The following STAT4 variants were observed in gnomAD, a reference collection of about 807,000 sequenced individuals.
STAT4 encodes the protein signal transducer and activator of transcription 4.
In STAT4, 42 loss-of-function variants were observed where a neutral mutation model predicts 110.5. The ratio of observed to expected loss-of-function variants is 0.38; its 90% CI spans 0.30 to 0.49. The LOEUF (loss-of-function observed/expected upper bound fraction) is 0.49, where lower values mean the gene tolerates loss of function less well. Ranked by LOEUF, STAT4 falls within the 20% of genes least tolerant of loss-of-function variation. STAT4 has a pLI of 0.95. For missense variants in STAT4, 632 were observed against 887.9 expected (o/e 0.71, Z 3.66); for synonymous variants, 284 against 302.2 (o/e 0.94, Z 0.63).
At chr2:191,095,474 C>T (rs1265698205) in intron 3 of STAT4, among the ~76,000 whole-genome samples, 4 of 152,194 alleles carry the variant, frequency 2.6e-5, no homozygotes, top group Non-Finnish European at 4.4e-5. Context: ...CAAAACCGCA[C>T]AACTACATGG....
In STAT4 at chr2:191,033,293, C is replaced by T. The variant is rs998127725; in HGVS notation, c.1853-144G>A. Reference sequence around the variant, plus strand: ...AATGTCAGACCTTCTGCTGTCTGGACAGTATAGATTGTGCATACGATAGAC... The same window carrying T: ...AATGTCAGACCTTCTGCTGTCTGGATAGTATAGATTGTGCATACGATAGAC... On this transcript the variant is annotated intron_variant, in intron 20 of 23. Transcript: ENST00000392320. This position sits in a 1 kb window ranked among gnomAD's most constrained non-coding sequence, Gnocchi z 6.9. 8.8e-7 allele frequency: 1 copy of T among 1,135,736 alleles called. No homozygotes were observed. Among genetic ancestry groups the T allele is most frequent in the African/African-American group, 1.6e-5 (1 of 63,432 alleles). 70.4% of individuals were successfully genotyped at this position (1,135,736 alleles called of 1,614,324 possible).
intron 13 of STAT4, among the ~76,000 whole-genome samples, chr2:191,056,876 G>C (rs548083818): frequency 6.7e-6 from 1 of 148,524 alleles, no homozygotes; most frequent in Non-Finnish European, 1.5e-5. Flanking sequence ...TCCGCCTCCC[G>C]GGTTCAAGCG....
chr2:191,137,721 A>T (rs1699216882), intron 3 of STAT4, among the ~76,000 whole-genome samples: 1 of 152,234 alleles, frequency 6.6e-6, no homozygotes, highest in African/African-American at 2.4e-5. Context: ...CCACATATTT[A>T]CAGCCAACTA....
chr2:191,033,379 C>T lies in STAT4; in HGVS notation c.1852+111G>A. The T allele has an allele frequency of 6.8e-6, 9 of 1,323,130 alleles. No homozygotes were observed. The highest frequency in any genetic ancestry group is 2.0e-4 in the Middle Eastern group (1 of 5,046). 82.0% of individuals were successfully genotyped at this position (1,323,130 alleles called of 1,614,324 possible). On this transcript the variant is annotated intron_variant, in intron 20 of 23. Coordinates refer to ENST00000392320, the MANE Select transcript of STAT4 (RefSeq NM_003151.4). This position sits in a 1 kb window ranked among gnomAD's most constrained non-coding sequence, Gnocchi z 6.9. ...CTGCAACTACTAATATTCAAGCCCACTGAATACATCACAGACAGATCAACA... is the reference window on the plus strand; with the variant it reads ...CTGCAACTACTAATATTCAAGCCCATTGAATACATCACAGACAGATCAACA...
At chr2:191,048,605 G>A (rs1420919485) in intron 14 of STAT4, among the ~76,000 whole-genome samples, 18 of 146,190 alleles carry the variant, frequency 1.2e-4, no homozygotes, top group East Asian at 4.3e-4. Context: ...GTGAAACCCC[G>A]TCTCTACCAA....
At chr2:191,081,965 G>A (rs1305232210) in intron 3 of STAT4, among the ~76,000 whole-genome samples, 1 of 152,070 alleles carries the variant, frequency 6.6e-6, no homozygotes, top group Admixed American at 6.6e-5. Context: ...CAGTCAGCAG[G>A]ATGTTTCTGA....
At chr2:191,079,021 A>G (rs1697391644) in intron 3 of STAT4, among the ~76,000 whole-genome samples, 1 of 151,860 alleles carries the variant, frequency 6.6e-6, no homozygotes, top group African/African-American at 2.4e-5. Context: ...TTATTCTTTT[A>G]CCACTGCTCT....
intron 3 of STAT4, chr2:191,131,783 A>G: frequency 7.5e-7 from 1 of 1,327,290 alleles, no homozygotes; most frequent in Non-Finnish European, 9.7e-7. Context: ...TTCCTCAATT[A>G]GTATCATCTG....
intron 3 of STAT4, among the ~76,000 whole-genome samples, chr2:191,106,657 TAA>T (rs1359814559): frequency 9.4e-6 from 1 of 105,996 alleles, no homozygotes; most frequent in Non-Finnish European, 1.8e-5. Flanking sequence ...AAAAATAAAA[TAA>T]AATAAAATAA....
chr2:191,122,554 A>G (rs1431468421), intron 3 of STAT4, among the ~76,000 whole-genome samples: 1 of 152,216 alleles, frequency 6.6e-6, no homozygotes, highest in Non-Finnish European at 1.5e-5. Flanking sequence ...GTTACAAACA[A>G]AAATGTTCCT....
rs1698484832 is a variant in STAT4, at chr2:191,113,564, AC to A, written c.273+33048del. ...GAATTGGTTTAAGAGATTCAAGGAAACTTTTGGCTTCACAGGGAGATGTAAG... is the reference window on the plus strand; with the variant it reads ...GAATTGGTTTAAGAGATTCAAGGAAATTTTGGCTTCACAGGGAGATGTAAG... On this transcript the variant is annotated intron_variant, in intron 3 of 23. Transcript: ENST00000392320. This position sits in a 1 kb window ranked among gnomAD's most constrained non-coding sequence, Gnocchi z 4.8. 6.6e-6 allele frequency among the ~76,000 whole-genome samples: 1 copy of A among 152,208 alleles called. No individual in the cohort carries two copies. Among genetic ancestry groups the A allele is most frequent in the Non-Finnish European group, 1.5e-5 (1 of 68,030 alleles).
At chr2:191,076,029 T>A in intron 4 of STAT4, 198 bp downstream of exon 4, 1 of 500,474 alleles carries the variant, frequency 2.0e-6, no homozygotes, top group Non-Finnish European at 3.6e-6. Context: ...TTTAATTTTT[T>A]TTTTTTTGGA....
chr2:191,096,641 T>A (rs1697992638), intron 3 of STAT4, among the ~76,000 whole-genome samples: 1 of 152,166 alleles, frequency 6.6e-6, no homozygotes, highest in Non-Finnish European at 1.5e-5. Flanking sequence ...GAGCTATTTA[T>A]GAAAAACCTA....
intron 3 of STAT4, among the ~76,000 whole-genome samples, chr2:191,133,231 T>G (rs1202444726): frequency 6.6e-6 from 1 of 151,544 alleles, no homozygotes; most frequent in Non-Finnish European, 1.5e-5. Flanking sequence ...GATATTCCTA[T>G]GTAGGTATTC....
Position 191,113,798 on chromosome 2 carries a change from G to A in STAT4, c.273+32815C>T, listed in dbSNP as rs1300222440. ...CTTATTTTTTAAAAGTACACTTTTT[G>A]TACAGGGAGTACTCCCAAGAGTAGC... is the stretch of plus-strand genomic sequence containing the variant. On this transcript the variant is annotated intron_variant, in intron 3 of 23. Coordinates refer to ENST00000392320, the MANE Select transcript of STAT4 (RefSeq NM_003151.4). This position sits in a 1 kb window ranked among gnomAD's most constrained non-coding sequence, Gnocchi z 4.8. Among the ~76,000 whole-genome samples, 1 of 152,142 alleles carries A rather than the reference G, an allele frequency of 6.6e-6. No homozygotes were observed. The highest frequency in any genetic ancestry group is 1.5e-5 in the Non-Finnish European group (1 of 68,018).
In STAT4 at chr2:191,107,963, A is replaced by C. The variant is rs1339080019; in HGVS notation, c.274-31638T>G. ...ATGATCTCTGAAAACTATTACTATA[A>C]TCCTTGAAGCACACCAAGAATGAAA... On this transcript the variant is annotated intron_variant, in intron 3 of 23. Coordinates refer to ENST00000392320, the MANE Select transcript of STAT4 (RefSeq NM_003151.4). The surrounding 1 kb of genome is among the most constrained non-coding windows in gnomAD (Gnocchi z 4.2). 6.6e-6 allele frequency among the ~76,000 whole-genome samples: 1 copy of C among 152,146 alleles called. No individual in the cohort carries two copies. The highest frequency in any genetic ancestry group is 1.9e-4 in the East Asian group (1 of 5,190).
At chr2:191,057,641 T>C (rs1445527229) in intron 13 of STAT4, among the ~76,000 whole-genome samples, 1 of 149,076 alleles carries the variant, frequency 6.7e-6, no homozygotes, top group Non-Finnish European at 1.5e-5. Flanking sequence ...CATTGTGGCC[T>C]GGGCTGGAGT....
intron 3 of STAT4, among the ~76,000 whole-genome samples, chr2:191,085,912 A>T (rs1697621490): frequency 6.6e-6 from 1 of 152,134 alleles, no homozygotes; most frequent in Admixed American, 6.5e-5. Flanking sequence ...TTTCAAAGTC[A>T]AGAAAACCTT....
At chr2:191,097,915 A>G (rs1196900845) in intron 3 of STAT4, among the ~76,000 whole-genome samples, 1 of 10,286 alleles carries the variant, frequency 9.7e-5, no homozygotes, top group African/African-American at 3.9e-4. Flanking sequence ...AATTTACAAG[A>G]AAAAAAAACC....
Sources: allele counts gnomAD v4.1 joint callset (sites outside exome capture counted in the v4.1 genomes callset), GRCh38; gene constraint gnomAD v4.1.1; non-coding constraint Gnocchi (gnomAD v3.1); transcripts MANE v1.5; gene names NCBI Gene and HGNC (gene_info 2026-07-23, HGNC 2026-07-21).